MAPK8: variants seen among roughly 807,000 people sequenced by gnomAD.
The protein encoded by MAPK8 is mitogen-activated protein kinase 8, also known as JUN N-terminal kinase.
MAPK8 carries 13 observed loss-of-function variants against 52.9 expected under a neutral mutation model. The ratio of observed to expected loss-of-function variants is 0.25; its 90% CI spans 0.16 to 0.39. The LOEUF (loss-of-function observed/expected upper bound fraction) is 0.39, where lower values mean the gene tolerates loss of function less well. Among genes scored for constraint, MAPK8 ranks in the 10% least tolerant of loss-of-function variants. MAPK8 has a pLI of 1.00. For missense variants in MAPK8, 300 were observed against 519.2 expected (o/e 0.58, Z 4.10); for synonymous variants, 191 against 169.8 (o/e 1.12, Z -0.97).
intron 1 of MAPK8, among the ~76,000 whole-genome samples, chr10:48,373,072 G>T (rs2040422442): frequency 6.6e-6 from 1 of 152,056 alleles, no homozygotes; most frequent in African/African-American, 2.4e-5. Flanking sequence ...ATAGAGTGGG[G>T]GCTAATATTC....
intron 6 of MAPK8, among the ~76,000 whole-genome samples, chr10:48,422,719 T>G (rs1158481488): frequency 2.6e-5 from 4 of 152,156 alleles, no homozygotes; most frequent in Non-Finnish European, 5.9e-5. Context: ...TATTAAATTT[T>G]TTTTCTAAAA....
chr10:48,402,038 A>G (rs1488142214), intron 2 of MAPK8, among the ~76,000 whole-genome samples: 1 of 152,118 alleles, frequency 6.6e-6, no homozygotes, highest in Non-Finnish European at 1.5e-5. Context: ...GAATATTTGC[A>G]TTGGTTGAGC....
chr10:48,408,111 T>C (rs1436967144), intron 3 of MAPK8, among the ~76,000 whole-genome samples: 1 of 152,220 alleles, frequency 6.6e-6, no homozygotes, highest in Non-Finnish European at 1.5e-5. Context: ...ATTCTGCCCT[T>C]ATAAAGTTTA....
chr10:48,375,211 A>T (rs1351896882), intron 1 of MAPK8, among the ~76,000 whole-genome samples: 1 of 152,348 alleles, frequency 6.6e-6, no homozygotes, highest in African/African-American at 2.4e-5. Flanking sequence ...AAATACTCTC[A>T]ATAAACTAGG....
intron 1 of MAPK8, among the ~76,000 whole-genome samples, chr10:48,317,759 C>A (rs181837893): frequency 4.6e-4 from 70 of 152,178 alleles, no homozygotes; most frequent in Non-Finnish European, 8.2e-4. Context: ...AGGTGAAGGC[C>A]TATTCTCCTG....
intron 5 of MAPK8, among the ~76,000 whole-genome samples, chr10:48,415,711 TAA>T (rs1366288308): frequency 6.6e-6 from 1 of 152,108 alleles, no homozygotes; most frequent in Non-Finnish European, 1.5e-5. Context: ...TCTCTGAGAA[TAA>T]AGAGTCTCGC....
At chr10:48,350,236 G>A (rs1846176345) in intron 1 of MAPK8, among the ~76,000 whole-genome samples, 1 of 152,126 alleles carries the variant, frequency 6.6e-6, no homozygotes, top group Admixed American at 6.5e-5. Flanking sequence ...CCAAACAATA[G>A]AAAAAGAGAG....
chr10:48,365,624 A>G (rs1847964044), intron 1 of MAPK8, among the ~76,000 whole-genome samples: 1 of 152,216 alleles, frequency 6.6e-6, no homozygotes, highest in Non-Finnish European at 1.5e-5. Context: ...GATAAACTAA[A>G]GAGATTATTA....
chr10:48,346,791 C>A (rs1256127288), intron 1 of MAPK8, among the ~76,000 whole-genome samples: 1 of 152,200 alleles, frequency 6.6e-6, no homozygotes, highest in African/African-American at 2.4e-5. Flanking sequence ...CCCTGATATG[C>A]AGAAATAATG....
At chr10:48,351,385 C>T (rs1453763978) in intron 1 of MAPK8, among the ~76,000 whole-genome samples, 1 of 146,838 alleles carries the variant, frequency 6.8e-6, no homozygotes, top group Non-Finnish European at 1.5e-5. Flanking sequence ...AATGATTGTC[C>T]CGCCTCAGCC....
intron 1 of MAPK8, among the ~76,000 whole-genome samples, chr10:48,347,315 A>G (rs1650402315): frequency 4.6e-5 from 7 of 152,240 alleles, no homozygotes; most frequent in Admixed American, 4.6e-4. Context: ...TCATACCAAG[A>G]AGCAGGAAAG....
intron 7 of MAPK8, chr10:48,424,549 A>G: frequency 6.2e-7 from 1 of 1,603,786 alleles, no homozygotes; most frequent in Non-Finnish European, 8.5e-7. Flanking sequence ...CATGGGAGAA[A>G]TGATCAAAGG....
intron 3 of MAPK8, among the ~76,000 whole-genome samples, chr10:48,405,971 TACAG>T (rs1344225305): frequency 2.0e-5 from 3 of 152,126 alleles, no homozygotes; most frequent in Non-Finnish European, 2.9e-5. Context: ...AAAACAGACA[TACAG>T]AGAGTTAAAT....
intron 1 of MAPK8, among the ~76,000 whole-genome samples, chr10:48,370,467 A>G (rs561399545): frequency 6.6e-6 from 1 of 152,274 alleles, no homozygotes; most frequent in Non-Finnish European, 1.5e-5. Context: ...TATTGACATG[A>G]TGGTGGTCTG....
chr10:48,327,156 G>A (rs146771241), intron 1 of MAPK8, among the ~76,000 whole-genome samples: 93 of 152,102 alleles, frequency 6.1e-4, no homozygotes, highest in African/African-American at 2.0e-3. Context: ...CTTGTTCTTG[G>A]GGGGAAAGTA....
Position 48,426,423 on chromosome 10 carries a change from T to C in MAPK8, c.915T>C (p.Asp305=). 1 of 1,611,204 alleles carries C rather than the reference T, an allele frequency of 6.2e-7. No homozygotes were observed. The highest frequency in any genetic ancestry group is 8.5e-7 in the Non-Finnish European group (1 of 1,178,690). The part of the protein sequence containing the change: ...RDLLSKMLVI[D]ASKRISVDEA... The stretch of plus-strand genomic sequence containing the variant: ...TGTTATCCAAAATGCTGGTAATAGA[T>C]GCATCTAAAAGGATCTCTGTAGATG... Residue 305 remains aspartate, a synonymous_variant, in exon 9 of 12, where the codon GAT becomes GAC. Transcript: ENST00000374189.
At chr10:48,324,503 G>GT (rs370766776) in intron 1 of MAPK8, among the ~76,000 whole-genome samples, 67,463 of 118,288 alleles carry the variant, frequency 0.57, 19,881 homozygotes, top group Middle Eastern at 0.77. Flanking sequence ...CTGTTTTCTA[G>GT]TTTTTTTTTT....
intron 1 of MAPK8, among the ~76,000 whole-genome samples, chr10:48,352,550 G>A (rs1477259406): frequency 6.6e-6 from 1 of 152,064 alleles, no homozygotes; most frequent in East Asian, 1.9e-4. Flanking sequence ...TGCTATAGAA[G>A]CATTTGACAA....
At chr10:48,382,923 T>C (rs1239632637) in intron 1 of MAPK8, among the ~76,000 whole-genome samples, 1 of 44,102 alleles carries the variant, frequency 2.3e-5, no homozygotes, top group Non-Finnish European at 6.4e-5. Flanking sequence ...TATATATGTA[T>C]ATATATATAG....
Sources: gnomAD v4.1 joint callset for allele counts (sites outside exome capture counted in the v4.1 genomes callset) on GRCh38, gnomAD v4.1.1 for gene constraint, MANE v1.5 for transcripts, NCBI Gene and HGNC (gene_info 2026-07-23, HGNC 2026-07-21) for gene names.